Variants in FAM149A observed in about 807,000 individuals in gnomAD.
The protein encoded by FAM149A is family with sequence similarity 149 member A, also known as protein FAM149A.
A neutral mutation model predicts 78.2 loss-of-function variants in FAM149A; 71 were observed. The ratio of observed to expected loss-of-function variants is 0.91; its 90% CI spans 0.75 to 1.11. The LOEUF is 1.11. FAM149A is among the 50% of genes least tolerant of loss of function. The pLI is 0.00. For synonymous variants in FAM149A, 446 were observed against 410.5 expected (o/e 1.09, Z -1.04); for missense variants, 1,036 against 971.0 (o/e 1.07, Z -0.89).
At chr4:186,160,601 T>C (rs529300179) in intron 8 of FAM149A, among the ~76,000 whole-genome samples, 25 of 118,488 alleles carry the variant, frequency 2.1e-4, no homozygotes, top group African/African-American at 7.7e-4. Context: ...ACCACACACA[T>C]ACACCACATG....
chr4:186,158,245 G>A, intron 8 of FAM149A: 2 of 1,254,456 alleles, frequency 1.6e-6, no homozygotes, highest in Admixed American at 2.7e-5. Flanking sequence ...CAGCCTTCCG[G>A]GAGCCATGTC....
chr4:186,154,396 G>A (rs867038637), intron 5 of FAM149A, 72 bp from the exon 6 acceptor site: 9 of 1,278,828 alleles, frequency 7.0e-6, no homozygotes, highest in Middle Eastern at 2.1e-4. Flanking sequence ...TGAAAGATCC[G>A]CCATGATCGT....
In FAM149A at chr4:186,157,713, G is replaced by C; in HGVS notation, c.1569G>C (p.Pro523=). 6.2e-7 allele frequency: 1 copy of C among 1,606,698 alleles called. No individual in the cohort carries two copies. The highest frequency in any genetic ancestry group is 1.1e-5 in the South Asian group (1 of 89,862). Residue 523 remains proline, a synonymous_variant, in exon 8 of 14, where the codon CCG becomes CCC. Transcript: ENST00000389354. ...TCTCCCTGGCTTCTCGTCTGAACCCGCCCCAGGTCGGTGCTTTCACACCCT... is the reference window on the plus strand; with the variant it reads ...TCTCCCTGGCTTCTCGTCTGAACCCCCCCCAGGTCGGTGCTTTCACACCCT...
In FAM149A at chr4:186,137,016, CTCTA is replaced by C. The variant is rs2099323635; in HGVS notation, c.567-12156_567-12153del. On this transcript the variant is annotated intron_variant, in intron 1 of 13. Coordinates refer to ENST00000389354, the MANE Select transcript of FAM149A (RefSeq NM_001367768.3). ...TCTCTCTCTCTCTCTCTCTCTCTCTCTCTAAGTGCTTAAAGCAGGGCCTGGTGTG... is the reference window on the plus strand; with the variant it reads ...TCTCTCTCTCTCTCTCTCTCTCTCTCAGTGCTTAAAGCAGGGCCTGGTGTG... Among the ~76,000 whole-genome samples the C allele has an allele frequency of 5.6e-5, 7 of 124,372 alleles. 1 individual carries two copies. The highest frequency in any genetic ancestry group is 2.1e-4 in the African/African-American group (7 of 33,688). The allele number at this position is 124,372 out of a possible 152,430, so 81.6% of individuals were successfully genotyped here.
At chr4:186,153,305 C>T in intron 4 of FAM149A, 1 of 930,844 alleles carries the variant, frequency 1.1e-6, no homozygotes. Flanking sequence ...GTATGGAGGG[C>T]TTCTTTGTGC....
chr4:186,148,049 G>C (rs1733195146), intron 1 of FAM149A, among the ~76,000 whole-genome samples: 1 of 152,200 alleles, frequency 6.6e-6, no homozygotes, highest in South Asian at 2.1e-4. Context: ...TTTGTTGGCT[G>C]GGTGTGGTGG....
intron 8 of FAM149A, chr4:186,158,598 C>T (rs1435718202): frequency 1.0e-5 from 11 of 1,084,192 alleles, no homozygotes; most frequent in South Asian, 2.6e-5. Context: ...TGAGCATTGC[C>T]GCCCAGCCCG....
chr4:186,157,973 C>T (rs573460397), intron 8 of FAM149A: 16 of 1,508,766 alleles, frequency 1.1e-5, no homozygotes, highest in East Asian at 5.2e-5. Flanking sequence ...CCCACGCAGG[C>T]GGCACCACCC....
In FAM149A at chr4:186,156,695, C is replaced by T. The variant is rs143236131; in HGVS notation, c.1420+505C>T. 3.0e-3 allele frequency among the ~76,000 whole-genome samples: 459 copies of T among 152,100 alleles called. 4 individuals carry two copies. The highest frequency in any genetic ancestry group is 0.011 in the African/African-American group (447 of 41,512). On this transcript the variant is annotated intron_variant, in intron 7 of 13. Transcript: ENST00000389354. Reference sequence around the variant, plus strand: ...AACTCCATCTCAAAAAAAAAGAATGCAGGGCAGGCATGGTGACTCAGAACT... The same window carrying T: ...AACTCCATCTCAAAAAAAAAGAATGTAGGGCAGGCATGGTGACTCAGAACT...
chr4:186,171,791 CA>C (rs1735555097), intron 13 of FAM149A, 122 bp from the exon 14 acceptor site: 1 of 690,492 alleles, frequency 1.4e-6, no homozygotes, highest in Admixed American at 4.2e-5. Flanking sequence ...CTAATTTATA[CA>C]AAAGTGTATT....
chr4:186,136,988 C>CTCTCTCTCTCTCTCTCTCTCTCTCTT (rs2099323431), intron 1 of FAM149A, among the ~76,000 whole-genome samples: 4 of 121,516 alleles, frequency 3.3e-5, no homozygotes, highest in African/African-American at 1.2e-4. Flanking sequence ...CTCTCTCTCT[C>CTCTCTCTCTCTCTCTCTCTCTCTCTT]TCTCTCTCTC....
Position 186,122,490 on chromosome 4 carries a change from G to A in FAM149A, c.566+16848G>A, listed in dbSNP as rs563605757. 2.0e-5 allele frequency among the ~76,000 whole-genome samples: 3 copies of A among 152,290 alleles called. No homozygotes were observed. In the South Asian group the frequency reaches 6.2e-4, roughly 32 times the overall value. On this transcript the variant is annotated intron_variant, in intron 1 of 13. Coordinates refer to ENST00000389354, the MANE Select transcript of FAM149A (RefSeq NM_001367768.3). ...GTAGGAGAACATCCTTTTAGGAAAT[G>A]TATGGTAAGGTAGGGATCAGTAGAG... is the stretch of plus-strand genomic sequence containing the variant.
chr4:186,131,395 A>G lies in FAM149A; in HGVS notation c.567-17778A>G, dbSNP rs116069547. 2.9e-3 allele frequency among the ~76,000 whole-genome samples: 431 copies of G among 150,014 alleles called. 2 individuals carry two copies. The highest frequency in any genetic ancestry group is 0.01 in the African/African-American group (411 of 41,026). On this transcript the variant is annotated intron_variant, in intron 1 of 13. Transcript: ENST00000389354. ...TTTCTCACTCTCCCACTCTCCATGT[A>G]CACACAAAGAAGAAGGCATTTGAGC...
intron 1 of FAM149A, chr4:186,109,221 T>G: frequency 1.0e-6 from 1 of 981,470 alleles, no homozygotes; most frequent in Non-Finnish European, 1.2e-6. Flanking sequence ...AGATAATTGC[T>G]GTGTATGAAT....
intron 13 of FAM149A, 88 bp downstream of exon 13, chr4:186,167,350 T>G (rs751226775): frequency 7.9e-7 from 1 of 1,262,560 alleles, no homozygotes; most frequent in East Asian, 2.3e-5. Context: ...TCTACCTTGA[T>G]AAGCCTATTT....
At chr4:186,123,647 G>A (rs1215192619) in intron 1 of FAM149A, 1 of 223,854 alleles carries the variant, frequency 4.5e-6, no homozygotes, top group Non-Finnish European at 7.5e-6. Flanking sequence ...TGGGAAGTGG[G>A]GTCCAGGAAA....
chr4:186,110,869 C>T (rs1345331900), intron 1 of FAM149A, among the ~76,000 whole-genome samples: 1 of 150,142 alleles, frequency 6.7e-6, no homozygotes, highest in Non-Finnish European at 1.5e-5. Flanking sequence ...GTGCATGTGT[C>T]TTTATAGCAG....
intron 1 of FAM149A, among the ~76,000 whole-genome samples, chr4:186,136,946 C>CTCTT: frequency 7.8e-6 from 1 of 128,794 alleles, no homozygotes; most frequent in South Asian, 2.5e-4. Context: ...ATCTCTCTCT[C>CTCTT]TCTCTCTCTC....
rs899006235 is a variant in FAM149A, at chr4:186,104,719, C to A, written c.-358C>A. On this transcript the variant is annotated 5_prime_UTR_variant, in exon 1 of 14. Coordinates refer to ENST00000389354, the MANE Select transcript of FAM149A (RefSeq NM_001367768.3). ...GGGCCCAATTAGCCTGGAGCGCGGC[C>A]GGGTGTGTTGAACGTAGCAACCGCG... Among the ~76,000 whole-genome samples, 1 of 148,602 alleles carries A rather than the reference C, an allele frequency of 6.7e-6. No homozygotes were observed. The highest frequency in any genetic ancestry group is 1.5e-5 in the Non-Finnish European group (1 of 67,172).
Sources: gnomAD v4.1 joint callset for allele counts (sites outside exome capture counted in the v4.1 genomes callset) on GRCh38, gnomAD v4.1.1 for gene constraint, MANE v1.5 for transcripts, NCBI Gene and HGNC (gene_info 2026-07-23, HGNC 2026-07-21) for gene names.